TG: variants seen among roughly 807,000 people sequenced by gnomAD.
The protein encoded by TG is thyroid hormones.
In TG, 270 loss-of-function variants were observed where a neutral mutation model predicts 324.7. That is an observed-to-expected ratio of 0.83 (90% CI 0.75 to 0.92). TG has a LOEUF of 0.92. Among genes scored for constraint, TG ranks in the 40% least tolerant of loss-of-function variants. TG has a pLI of 0.00. For missense variants in TG, 3,591 were observed against 3,456.4 expected (o/e 1.04, Z -0.98); for synonymous variants, 1,401 against 1,327.0 (o/e 1.06, Z -1.21).
At chr8:132,964,639 G>T in intron 29 of TG, 2 of 460,306 alleles carry the variant, frequency 4.3e-6, no homozygotes, top group Non-Finnish European at 7.7e-6. Flanking sequence ...AGTTTTAAGA[G>T]AAATAGGAAA....
chr8:133,010,977 T>C (rs1164702897), intron 35 of TG, among the ~76,000 whole-genome samples: 1 of 152,256 alleles, frequency 6.6e-6, no homozygotes, highest in African/African-American at 2.4e-5. Flanking sequence ...CCAGTCATTT[T>C]AACCTCTTGT....
At chr8:132,997,238 G>A (rs1832969399) in intron 35 of TG, among the ~76,000 whole-genome samples, 1 of 152,196 alleles carries the variant, frequency 6.6e-6, no homozygotes, top group Admixed American at 6.5e-5. Context: ...CCAAGATAAA[G>A]AATGTAAGAG....
chr8:133,001,013 T>C (rs1373531956), intron 35 of TG, among the ~76,000 whole-genome samples: 1 of 152,218 alleles, frequency 6.6e-6, no homozygotes, highest in Non-Finnish European at 1.5e-5. Context: ...GGCTTGTAGA[T>C]GGCACCCTCT....
At chr8:132,925,159 A>G (rs2132494156) in intron 22 of TG, among the ~76,000 whole-genome samples, 1 of 152,340 alleles carries the variant, frequency 6.6e-6, no homozygotes, top group African/African-American at 2.4e-5. Context: ...TAAAAGGTAG[A>G]TATTATTGCC....
chr8:133,042,684 T>C (rs1210044271), intron 41 of TG, among the ~76,000 whole-genome samples: 1 of 115,452 alleles, frequency 8.7e-6, no homozygotes, highest in African/African-American at 3.9e-5. Flanking sequence ...GTGTCTTTTT[T>C]TTTTTTTTTT....
intron 45 of TG, among the ~76,000 whole-genome samples, chr8:133,128,013 C>A (rs916885141): frequency 6.6e-6 from 1 of 152,160 alleles, no homozygotes; most frequent in Non-Finnish European, 1.5e-5. Flanking sequence ...ATTTTCTTGC[C>A]TGGAATAAAT....
At chr8:133,098,838 G>T (rs981921215) in intron 43 of TG, among the ~76,000 whole-genome samples, 1 of 152,136 alleles carries the variant, frequency 6.6e-6, no homozygotes, top group Non-Finnish European at 1.5e-5. Flanking sequence ...GATTATGCCC[G>T]TTCATTGTGA....
intron 41 of TG, chr8:133,076,745 C>T (rs574185449): frequency 2.3e-5 from 3 of 129,840 alleles, no homozygotes; most frequent in Non-Finnish European, 3.1e-5. Context: ...ATTCCACAAA[C>T]TGGGATTTAG....
rs1291594168 is a variant in TG at position 133,094,609 on chromosome 8, G to A, written c.7240-435G>A. 5 of 270,476 alleles carry A rather than the reference G, an allele frequency of 1.8e-5. No individual in the cohort carries two copies. The East Asian group carries it at 4.3e-4, about 24-fold the overall frequency. 16.8% of individuals were successfully genotyped at this position (270,476 alleles called of 1,614,324 possible). Reference sequence around the variant, plus strand: ...CTCCTAGGTGGGCTTCCATTTTAAAGTCCAGCTCCATCTTAATGCAGCTTG... The same window carrying A: ...CTCCTAGGTGGGCTTCCATTTTAAAATCCAGCTCCATCTTAATGCAGCTTG... On this transcript the variant is annotated intron_variant, in intron 41 of 47. Transcript: ENST00000220616.
At chr8:132,869,252 TC>T (rs1839252837) in intron 2 of TG, among the ~76,000 whole-genome samples, 1 of 152,216 alleles carries the variant, frequency 6.6e-6, no homozygotes, top group African/African-American at 2.4e-5. Context: ...AGGTCTCAGT[TC>T]AGTCATCATT....
chr8:133,008,260 A>G (rs1834195559), intron 35 of TG, among the ~76,000 whole-genome samples: 1 of 152,236 alleles, frequency 6.6e-6, no homozygotes, highest in Non-Finnish European at 1.5e-5. Context: ...TTTACAAAAC[A>G]AAATAATGTG....
chr8:132,974,059 T>C (rs948680362), intron 34 of TG, among the ~76,000 whole-genome samples: 2 of 147,702 alleles, frequency 1.4e-5, no homozygotes, highest in Non-Finnish European at 3.0e-5. Context: ...AATGGCGCGA[T>C]CTCAGCTCAC....
intron 27 of TG, among the ~76,000 whole-genome samples, chr8:132,952,647 C>T (rs1348069753): frequency 2.0e-5 from 3 of 152,166 alleles, no homozygotes; most frequent in Admixed American, 1.3e-4. Context: ...AATTGATTGC[C>T]AGGTGTAGGA....
In TG at chr8:132,888,111, G is replaced by A. The variant is rs1815692858; in HGVS notation, c.2304G>A (p.Gln768=). 5.0e-6 allele frequency: 8 copies of A among 1,614,040 alleles called. No homozygotes were observed. The highest frequency in any genetic ancestry group is 1.3e-5 in the African/African-American group (1 of 74,934). The stretch of plus-strand genomic sequence containing the variant: ...TCCCACAGTGCAGCACCGATGGGCA[G>A]TGGAGACAAGTGCAATGCAATGGGC... ...TYIPQCSTDG[Q]WRQVQCNGPP... is the part of the protein sequence containing the mutation. The change falls in exon 10 of 48, where the codon CAG becomes CAA. Residue 768 remains glutamine (Q), a synonymous_variant. Transcript: ENST00000220616.
intron 35 of TG, among the ~76,000 whole-genome samples, chr8:132,998,015 A>G (rs1363689043): frequency 1.3e-5 from 2 of 152,112 alleles, no homozygotes; most frequent in Non-Finnish European, 2.9e-5. Flanking sequence ...GTGTCGAGGG[A>G]CACACTAAAG....
At chr8:132,920,748 A>T (rs1007057994) in intron 21 of TG, among the ~76,000 whole-genome samples, 2 of 152,202 alleles carry the variant, frequency 1.3e-5, no homozygotes, top group African/African-American at 4.8e-5. Context: ...ACCAGGTTTG[A>T]TCACCACTCT....
rs376065283 is a variant in TG at position 133,006,553 on chromosome 8, G to A, written c.6263-5348G>A. 4.6e-5 allele frequency among the ~76,000 whole-genome samples: 7 copies of A among 152,208 alleles called. 1 individual carries two copies. In the East Asian group the frequency reaches 7.7e-4, roughly 17 times the overall value. ...CAGGTACAGTCCTGGAGTATCAGAG[G>A]AGGCCCGTAAATAGTTGTTGAATGA... On this transcript the variant is annotated intron_variant, in intron 35 of 47. Transcript: ENST00000220616.
At chr8:132,885,192 C>T (rs1169633337) in intron 8 of TG, among the ~76,000 whole-genome samples, 1 of 151,690 alleles carries the variant, frequency 6.6e-6, no homozygotes. Flanking sequence ...ATGGAGCTTA[C>T]TTTACATCCA....
At chr8:132,955,105 C>T (rs763199782) in intron 27 of TG, among the ~76,000 whole-genome samples, 3 of 152,150 alleles carry the variant, frequency 2.0e-5, no homozygotes, top group Non-Finnish European at 4.4e-5. Context: ...CTACAGCAGC[C>T]ATTCTGAACC....
Sources: gnomAD v4.1 joint callset for allele counts (sites outside exome capture counted in the v4.1 genomes callset) on GRCh38, gnomAD v4.1.1 for gene constraint, MANE v1.5 for transcripts, NCBI Gene and HGNC (gene_info 2026-07-23, HGNC 2026-07-21) for gene names.